The following EDC3 variants were observed in gnomAD, a reference collection of about 807,000 sequenced individuals.
The protein encoded by EDC3 is enhancer of mRNA-decapping protein 3.
EDC3 carries 20 observed loss-of-function variants against 41.8 expected under a neutral mutation model. That is an observed-to-expected ratio of 0.48 (90% CI 0.34 to 0.70). EDC3 has a LOEUF of 0.70. Ranked by LOEUF, EDC3 falls within the 30% of genes least tolerant of loss-of-function variation. EDC3 has a pLI of 0.01. For synonymous variants in EDC3, 206 were observed against 243.2 expected (o/e 0.85, Z 1.42); for missense variants, 444 against 636.8 (o/e 0.70, Z 3.26).
intron 4 of EDC3, chr15:74,644,236 C>T (rs1165352150): frequency 6.6e-6 from 1 of 152,300 alleles, no homozygotes. Flanking sequence ...CCCTTGGCCA[C>T]CTTCTGGTTC....
At chr15:74,656,315 G>C (rs2062547635) in intron 3 of EDC3, among the ~76,000 whole-genome samples, 1 of 152,012 alleles carries the variant, frequency 6.6e-6, no homozygotes, top group African/African-American at 2.4e-5. Context: ...TGAGGCAGGA[G>C]GATCGCTTGT....
At chr15:74,655,092 AT>A (rs1266586333) in intron 4 of EDC3, among the ~76,000 whole-genome samples, 1 of 152,160 alleles carries the variant, frequency 6.6e-6, no homozygotes, top group Admixed American at 6.5e-5. Context: ...CACTGCTTTA[AT>A]CTGTTTTATA....
chr15:74,633,052 C>T, intron 6 of EDC3, 106 bp from the exon 7 acceptor site: 1 of 1,155,446 alleles, frequency 8.7e-7, no homozygotes, highest in Non-Finnish European at 1.2e-6. Context: ...TTCCAGACAC[C>T]ACTCGAATGC....
At chr15:74,684,981 C>T (rs2062919079) in intron 1 of EDC3, among the ~76,000 whole-genome samples, 1 of 152,186 alleles carries the variant, frequency 6.6e-6, no homozygotes, top group Admixed American at 6.5e-5. Flanking sequence ...ACATGACCAT[C>T]TCAAAAAAGC....
At chr15:74,681,608 T>C (rs2062871359) in intron 1 of EDC3, among the ~76,000 whole-genome samples, 2 of 152,190 alleles carry the variant, frequency 1.3e-5, no homozygotes, top group African/African-American at 2.4e-5. Context: ...CACAAAAATA[T>C]GCCCAACTGA....
chr15:74,648,773 C>T (rs1343634232), intron 4 of EDC3, among the ~76,000 whole-genome samples: 2 of 152,124 alleles, frequency 1.3e-5, no homozygotes, highest in Non-Finnish European at 2.9e-5. Flanking sequence ...ACCAAGAGCA[C>T]CCTACTGCCT....
chr15:74,645,170 T>C (rs2062398504), intron 4 of EDC3: 1 of 152,176 alleles, frequency 6.6e-6, no homozygotes, highest in Non-Finnish European at 1.5e-5. Flanking sequence ...AGAAGAGATA[T>C]GACAGCTGAA....
chr15:74,633,722 G>A (rs1398668777), intron 6 of EDC3, among the ~76,000 whole-genome samples: 1 of 152,206 alleles, frequency 6.6e-6, no homozygotes, highest in African/African-American at 2.4e-5. Context: ...TGGAGCAGCT[G>A]GGATAGGAAA....
chr15:74,648,008 G>A (rs2141599069), intron 4 of EDC3, among the ~76,000 whole-genome samples: 1 of 152,290 alleles, frequency 6.6e-6, no homozygotes, highest in Admixed American at 6.5e-5. Context: ...GGGGAGACAA[G>A]GCAGGACCCT....
chr15:74,691,916 A>G (rs1791261087), intron 1 of EDC3, among the ~76,000 whole-genome samples: 1 of 152,020 alleles, frequency 6.6e-6, no homozygotes. Context: ...TCCCGGGTTC[A>G]AGCGATTCTC....
In EDC3 at chr15:74,640,541, G is replaced by T; in HGVS notation, c.899C>A (p.Thr300Asn). Residue 300 changes from threonine to asparagine, a missense_variant, in exon 5 of 7, where the codon ACC (threonine) becomes AAC (asparagine). Around this residue, in one of 3 missense-constraint regions of EDC3, gnomAD observed 242 missense variants for 363.8 expected, o/e 0.67. Coordinates refer to ENST00000315127, the MANE Select transcript of EDC3 (RefSeq NM_025083.5). ...TGTCATCTCCAGTCTCCGCTCAAGG[G>T]TCAGCCCATGCTTCTCAGCCACGGA... ...LLSVAEKHGLTLERRLEMTGV... is the reference protein window; with the variant it reads ...LLSVAEKHGLNLERRLEMTGV... 6.2e-7 allele frequency: 1 copy of T among 1,614,218 alleles called. No individual in the cohort carries two copies. Among genetic ancestry groups the T allele is most frequent in the Non-Finnish European group, 8.5e-7 (1 of 1,180,046 alleles).
intron 3 of EDC3, among the ~76,000 whole-genome samples, chr15:74,660,942 C>A (rs1338025856): frequency 1.3e-5 from 2 of 152,122 alleles, no homozygotes; most frequent in African/African-American, 4.8e-5. Flanking sequence ...TCTATCCATG[C>A]AAGTGGTTAT....
chr15:74,649,731 T>C (rs1596308710), intron 4 of EDC3, among the ~76,000 whole-genome samples: 1 of 152,136 alleles, frequency 6.6e-6, no homozygotes, highest in Non-Finnish European at 1.5e-5. Flanking sequence ...TCTTTGGCTA[T>C]ATAACTTTTA....
intron 3 of EDC3, among the ~76,000 whole-genome samples, chr15:74,667,502 C>A (rs11629978): frequency 0.025 from 151 of 6,082 alleles, no homozygotes; most frequent in Non-Finnish European, 0.045. Context: ...GGAGGAGAAG[C>A]AGCAGCAGCA....
At position 74,632,400 on chromosome 15, in the gene EDC3, TCAGCCTGCCACC is replaced by T. The variant is rs1056477241; in HGVS notation, c.*200_*211del. On this transcript the variant is annotated 3_prime_UTR_variant, in exon 7 of 7. Coordinates refer to ENST00000315127, the MANE Select transcript of EDC3 (RefSeq NM_025083.5). This position sits in a 1 kb window ranked among gnomAD's most constrained non-coding sequence, Gnocchi z 4.0. ...AGAGATGCCTGGAGTTGCTGCACGC[TCAGCCTGCCACC>T]CAGCCCGGAACCCAGTGGGAAAGAC... 4 of 621,292 alleles carry T rather than the reference TCAGCCTGCCACC, an allele frequency of 6.4e-6. No individual in the cohort carries two copies. The African/African-American group carries it at 7.4e-5, about 11-fold the overall frequency. The allele number at this position is 621,292 out of a possible 1,614,324, so 38.5% of individuals were successfully genotyped here.
At position 74,687,748 on chromosome 15, in the gene EDC3, T is replaced by C. The variant is rs2141682264; in HGVS notation, c.-19+8132A>G. ...AAAAAAGCACAAAATACACACATTT[T>C]AGGCTTCTTTTCCCTTCCTGATCAA... On this transcript the variant is annotated intron_variant, in intron 1 of 6. Transcript: ENST00000315127. Among the ~76,000 whole-genome samples the C allele has an allele frequency of 2.0e-5, 3 of 152,314 alleles. No individual in the cohort carries two copies. In the South Asian group the frequency reaches 6.2e-4, roughly 32 times the overall value.
intron 4 of EDC3, among the ~76,000 whole-genome samples, chr15:74,651,759 AC>A (rs965614989): frequency 6.6e-6 from 1 of 152,282 alleles, no homozygotes; most frequent in African/African-American, 2.4e-5. Context: ...AGACTGCAGT[AC>A]TAAAGAAAAG....
Position 74,655,974 on chromosome 15 carries a change from C to T in EDC3, c.579G>A (p.Gly193=), listed in dbSNP as rs1234832589. ...QMKNKDDECF[G]DDIEEIPDTD... is the part of the protein sequence containing the mutation. ...TGTCTGGGATCTCCTCAATATCATC[C>T]CCGAAGCACTCGTCATCTTTATTCT... Residue 193 remains glycine, a synonymous_variant, in exon 4 of 7, where the codon GGG becomes GGA. Transcript: ENST00000315127. 6.2e-7 allele frequency: 1 copy of T among 1,613,936 alleles called. No individual in the cohort carries two copies. Among genetic ancestry groups the T allele is most frequent in the Non-Finnish European group, 8.5e-7 (1 of 1,180,018 alleles).
At chr15:74,673,837 CAAAAA>C (rs748537794) in intron 2 of EDC3, among the ~76,000 whole-genome samples, 2 of 47,216 alleles carry the variant, frequency 4.2e-5, no homozygotes, top group African/African-American at 6.9e-5. Context: ...GAGACTCCAT[CAAAAA>C]AAAAAAAAAA....
Sources: gnomAD v4.1 joint callset for allele counts (sites outside exome capture counted in the v4.1 genomes callset) on GRCh38, gnomAD v4.1.1 for gene constraint, gnomAD v4.1.1 regional missense constraint, Gnocchi (gnomAD v3.1) non-coding constraint, MANE v1.5 for transcripts, NCBI Gene and HGNC (gene_info 2026-07-23, HGNC 2026-07-21) for gene names.